The following PACRG variants were observed in gnomAD, a reference collection of about 807,000 sequenced individuals.
The protein encoded by PACRG is parkin coregulated.
A neutral mutation model predicts 29.7 loss-of-function variants in PACRG; 29 were observed. The ratio of observed to expected loss-of-function variants is 0.98; its 90% CI spans 0.73 to 1.33. The LOEUF is 1.33. Ranked by LOEUF, PACRG falls within the 40% of genes most tolerant of loss-of-function variation. The pLI is 0.00. For missense variants in PACRG, 279 were observed against 316.2 expected (o/e 0.88, Z 0.89); for synonymous variants, 116 against 118.7 (o/e 0.98, Z 0.15).
At chr6:163,012,479 A>T (rs1179261916) in intron 2 of PACRG, among the ~76,000 whole-genome samples, 2 of 152,254 alleles carry the variant, frequency 1.3e-5, no homozygotes. Context: ...TTGACCACTA[A>T]TATATCCATA....
chr6:163,225,878 C>T (rs61478856), intron 4 of PACRG, among the ~76,000 whole-genome samples: 2,018 of 152,178 alleles, frequency 0.013, 48 homozygotes, highest in African/African-American at 0.047. Flanking sequence ...ACTATTCAGC[C>T]TTTAAAAAGA....
intron 4 of PACRG, among the ~76,000 whole-genome samples, chr6:163,233,181 A>G (rs909018130): frequency 2.0e-5 from 3 of 152,344 alleles, no homozygotes; most frequent in Non-Finnish European, 4.4e-5. Context: ...CCTGCTCACT[A>G]TCCTTTGTAT....
At chr6:162,814,790 C>A (rs1787187326) in intron 2 of PACRG, among the ~76,000 whole-genome samples, 1 of 152,184 alleles carries the variant, frequency 6.6e-6, no homozygotes, top group Admixed American at 6.5e-5. Flanking sequence ...TGTCAGCAAG[C>A]GCGATGGCTG....
chr6:162,863,741 A>G (rs1381984078), intron 2 of PACRG, among the ~76,000 whole-genome samples: 1 of 152,264 alleles, frequency 6.6e-6, no homozygotes, highest in Non-Finnish European at 1.5e-5. Flanking sequence ...AAGGAACCAC[A>G]GACTCAGAGA....
At chr6:163,093,463 A>G (rs1036905546) in intron 4 of PACRG, among the ~76,000 whole-genome samples, 2 of 152,234 alleles carry the variant, frequency 1.3e-5, no homozygotes, top group Non-Finnish European at 2.9e-5. Context: ...GGAATCTTCA[A>G]TTTATAGCTT....
intron 2 of PACRG, among the ~76,000 whole-genome samples, chr6:162,967,479 A>G (rs1244862218): frequency 6.6e-6 from 1 of 151,878 alleles, no homozygotes; most frequent in East Asian, 1.9e-4. Flanking sequence ...TTTGATCAAT[A>G]GATTTTGGTA....
At chr6:162,783,847 T>C (rs1356343033) in intron 1 of PACRG, among the ~76,000 whole-genome samples, 3 of 152,112 alleles carry the variant, frequency 2.0e-5, no homozygotes, top group South Asian at 4.2e-4. Context: ...TTTATATTCT[T>C]GTCAACAGTT....
intron 2 of PACRG, chr6:163,051,752 T>A (rs1810039084): frequency 6.6e-6 from 1 of 152,248 alleles, no homozygotes; most frequent in South Asian, 2.1e-4. Context: ...TGATACTTCC[T>A]GGGGTCTCCT....
rs967178840 is a variant in PACRG at position 163,122,688 on chromosome 6, A to C, written c.613+33280A>C. On this transcript the variant is annotated intron_variant, in intron 4 of 4. Coordinates refer to ENST00000366888, the MANE Select transcript of PACRG (RefSeq NM_001080379.2). ...AGCCTGCAGAATCGGAAGACAAAAA[A>C]CCCCTTTCCTTCATAAATTACCCAA... 2.2e-4 allele frequency among the ~76,000 whole-genome samples: 33 copies of C among 152,024 alleles called. 1 individual carries two copies. The highest frequency in any genetic ancestry group is 8.0e-4 in the African/African-American group (33 of 41,376).
At chr6:162,944,274 C>T (rs1461663815) in intron 2 of PACRG, among the ~76,000 whole-genome samples, 1 of 152,118 alleles carries the variant, frequency 6.6e-6, no homozygotes, top group East Asian at 1.9e-4. Flanking sequence ...AGAATCAAAG[C>T]CAAAGTGCAC....
At chr6:162,956,958 C>T (rs1423422543) in intron 2 of PACRG, among the ~76,000 whole-genome samples, 2 of 152,010 alleles carry the variant, frequency 1.3e-5, no homozygotes, top group Non-Finnish European at 2.9e-5. Flanking sequence ...ACGTTTACTG[C>T]ATTTTTAATG....
chr6:162,886,979 C>T (rs1461410162), intron 2 of PACRG, among the ~76,000 whole-genome samples: 6 of 152,198 alleles, frequency 3.9e-5, no homozygotes, highest in Non-Finnish European at 5.9e-5. Flanking sequence ...GTGATCTCAG[C>T]TCACTGCAAC....
At chr6:163,095,139 C>T (rs892800371) in intron 4 of PACRG, among the ~76,000 whole-genome samples, 2 of 152,168 alleles carry the variant, frequency 1.3e-5, no homozygotes, top group African/African-American at 2.4e-5. Context: ...CTGATGCCCC[C>T]ACGCGTGGTC....
At chr6:163,146,527 C>A (rs1777811290) in intron 4 of PACRG, among the ~76,000 whole-genome samples, 1 of 152,198 alleles carries the variant, frequency 6.6e-6, no homozygotes, top group African/African-American at 2.4e-5. Context: ...AAACTCTCTA[C>A]TTTTTTCTAG....
intron 2 of PACRG, among the ~76,000 whole-genome samples, chr6:162,892,359 C>T (rs1453168760): frequency 6.6e-6 from 1 of 152,174 alleles, no homozygotes; most frequent in Admixed American, 6.5e-5. Flanking sequence ...GACTAAGACA[C>T]GTTGTTCACT....
intron 2 of PACRG, among the ~76,000 whole-genome samples, chr6:162,975,075 C>T (rs1458012775): frequency 1.3e-5 from 2 of 152,092 alleles, no homozygotes; most frequent in Non-Finnish European, 2.9e-5. Context: ...CAAGAGAATC[C>T]CTGCAATAAT....
At chr6:163,291,557 T>C (rs73603718) in intron 4 of PACRG, among the ~76,000 whole-genome samples, 2,804 of 152,394 alleles carry the variant, frequency 0.018, 83 homozygotes, top group African/African-American at 0.063. Flanking sequence ...TTTCTCTTCA[T>C]ATTCCTTTTC....
chr6:162,785,831 C>T (rs115130581), intron 1 of PACRG, among the ~76,000 whole-genome samples: 1,905 of 152,268 alleles, frequency 0.013, 35 homozygotes, highest in African/African-American at 0.043. Flanking sequence ...GGACCACTAG[C>T]GGTGAGCAGC....
intron 1 of PACRG, among the ~76,000 whole-genome samples, chr6:162,787,578 G>GTATCTA (rs1408657404): frequency 1.2e-3 from 63 of 51,450 alleles, no homozygotes; most frequent in African/African-American, 3.9e-3. Flanking sequence ...GTGTGTGTGT[G>GTATCTA]TGTGTATATA....
Sources: gnomAD v4.1 joint callset for allele counts (sites outside exome capture counted in the v4.1 genomes callset) on GRCh38, gnomAD v4.1.1 for gene constraint, MANE v1.5 for transcripts, NCBI Gene and HGNC (gene_info 2026-07-23, HGNC 2026-07-21) for gene names.